The following GBE1 variants were observed in gnomAD, a reference collection of about 807,000 sequenced individuals.
GBE1 encodes the protein 1,4-alpha-glucan-branching enzyme.
In GBE1, 70 loss-of-function variants were observed where a neutral mutation model predicts 88.8. That is an observed-to-expected ratio of 0.79 (90% CI 0.65 to 0.96). The LOEUF is 0.96. Ranked by LOEUF, GBE1 falls within the 40% of genes least tolerant of loss-of-function variation. The pLI is 0.00. For synonymous variants in GBE1, 284 were observed against 300.1 expected (o/e 0.95, Z 0.56); for missense variants, 872 against 871.0 (o/e 1.00, Z -0.01).
intron 1 of GBE1, among the ~76,000 whole-genome samples, chr3:81,720,312 CACAT>C (rs1217532184): frequency 1.3e-5 from 2 of 150,686 alleles, no homozygotes; most frequent in South Asian, 2.1e-4. Flanking sequence ...TGCATATACA[CACAT>C]ACACACACGC....
chr3:81,703,799 A>G (rs1705734883), intron 2 of GBE1, among the ~76,000 whole-genome samples: 2 of 152,136 alleles, frequency 1.3e-5, no homozygotes, highest in African/African-American at 4.8e-5. Flanking sequence ...TTTTCTGGTC[A>G]TTATTCCATA....
intron 2 of GBE1, among the ~76,000 whole-genome samples, chr3:81,695,525 T>C (rs898035876): frequency 1.3e-5 from 2 of 152,172 alleles, no homozygotes; most frequent in African/African-American, 4.8e-5. Context: ...CTAACAGGTA[T>C]GAGGTTTCTT....
intron 3 of GBE1, among the ~76,000 whole-genome samples, chr3:81,657,937 C>G (rs984800069): frequency 1.3e-5 from 2 of 151,952 alleles, no homozygotes; most frequent in African/African-American, 4.8e-5. Flanking sequence ...CCCCTGAGCT[C>G]TTATATTATG....
intron 12 of GBE1, among the ~76,000 whole-genome samples, chr3:81,542,312 T>TA (rs34283465): frequency 2.6e-5 from 4 of 152,114 alleles, no homozygotes; most frequent in African/African-American, 9.7e-5. Flanking sequence ...TTCTGTGTTA[T>TA]AAAAAATCAC....
intron 3 of GBE1, among the ~76,000 whole-genome samples, chr3:81,657,134 C>CAAAAAA (rs796897811): frequency 4.9e-5 from 4 of 81,846 alleles, no homozygotes; most frequent in African/African-American, 8.3e-5. Context: ...CCAGCCGTCT[C>CAAAAAA]AAAAAAAAAA....
intron 13 of GBE1, 136 bp downstream of exon 13, chr3:81,536,775 A>G: frequency 1.8e-6 from 1 of 545,320 alleles, no homozygotes; most frequent in Non-Finnish European, 3.1e-6. Context: ...TGACAACCTG[A>G]AGTATGGTAC....
chr3:81,663,790 C>T lies in GBE1; in HGVS notation c.429+7048G>A, dbSNP rs1441625545. On this transcript the variant is annotated intron_variant, in intron 3 of 15. Coordinates refer to ENST00000429644, the MANE Select transcript of GBE1 (RefSeq NM_000158.4). Reference sequence around the variant, plus strand: ...TGGGGTTGGAGCCCCACAGCCTGCCCGTCTGTGAGTTCTCGCAGAGGTTTG... The same window carrying T: ...TGGGGTTGGAGCCCCACAGCCTGCCTGTCTGTGAGTTCTCGCAGAGGTTTG... Among the ~76,000 whole-genome samples the T allele has an allele frequency of 8.5e-5, 13 of 152,152 alleles. No homozygotes were observed. The East Asian group carries it at 2.5e-3, about 29-fold the overall frequency.
intron 12 of GBE1, among the ~76,000 whole-genome samples, chr3:81,569,117 A>T (rs959324134): frequency 1.3e-5 from 2 of 152,188 alleles, no homozygotes; most frequent in African/African-American, 4.8e-5. Flanking sequence ...TGGAACATTT[A>T]TATTTATATG....
At chr3:81,539,370 T>C (rs1203950719) in intron 12 of GBE1, among the ~76,000 whole-genome samples, 1 of 151,880 alleles carries the variant, frequency 6.6e-6, no homozygotes, top group Admixed American at 6.6e-5. Flanking sequence ...AAATAAGACT[T>C]GTGGTAAGGA....
chr3:81,498,158 T>C (rs542894025), intron 15 of GBE1, among the ~76,000 whole-genome samples: 1 of 152,270 alleles, frequency 6.6e-6, no homozygotes, highest in African/African-American at 2.4e-5. Context: ...TTTTCAATGA[T>C]TTTATGCTAT....
Position 81,729,666 on chromosome 3 carries a change from G to A in GBE1, c.144-24053C>T, listed in dbSNP as rs988121331. ...CATCATAGAACACACAGGCAGGAGT[G>A]GCCTCTTAGACATCAGATGAACACT... On this transcript the variant is annotated intron_variant, in intron 1 of 15. Transcript: ENST00000429644. 3.3e-5 allele frequency among the ~76,000 whole-genome samples: 5 copies of A among 152,100 alleles called. No homozygotes were observed. In the South Asian group the frequency reaches 8.3e-4, roughly 25 times the overall value.
At chr3:81,693,714 A>G (rs1360303769) in intron 2 of GBE1, among the ~76,000 whole-genome samples, 1 of 152,168 alleles carries the variant, frequency 6.6e-6, no homozygotes, top group East Asian at 1.9e-4. Context: ...TCTAATATCA[A>G]GAACCCTGAC....
At chr3:81,704,908 G>C (rs147918869) in intron 2 of GBE1, among the ~76,000 whole-genome samples, 129 of 152,158 alleles carry the variant, frequency 8.5e-4, no homozygotes, top group African/African-American at 2.7e-3. Context: ...CAGTGCAAAT[G>C]ACAATGCTGA....
chr3:81,724,033 G>C (rs375318212), intron 1 of GBE1, among the ~76,000 whole-genome samples: 8 of 151,714 alleles, frequency 5.3e-5, no homozygotes, highest in African/African-American at 1.9e-4. Context: ...CCTTTAACTT[G>C]CTACTAGAAT....
In GBE1 at chr3:81,738,346, T is replaced by C. The variant is rs1265439197; in HGVS notation, c.143+23029A>G. ...TCGCCACACTGACTTCCACAATGGT[T>C]GAACTAGTTTACAGTCCCACCAACA... On this transcript the variant is annotated intron_variant, in intron 1 of 15. Transcript: ENST00000429644. Among the ~76,000 whole-genome samples the C allele has an allele frequency of 2.0e-5, 3 of 151,176 alleles. No individual in the cohort carries two copies. The East Asian group carries it at 5.8e-4, about 29-fold the overall frequency.
At chr3:81,631,459 A>C (rs1276390335) in intron 7 of GBE1, among the ~76,000 whole-genome samples, 2 of 152,010 alleles carry the variant, frequency 1.3e-5, no homozygotes, top group Non-Finnish European at 2.9e-5. Context: ...AACAATGACC[A>C]GGCGTGGTGG....
At chr3:81,606,714 C>T (rs184838112) in intron 7 of GBE1, among the ~76,000 whole-genome samples, 62 of 152,332 alleles carry the variant, frequency 4.1e-4, no homozygotes, top group Middle Eastern at 6.8e-3. Context: ...TTAGATTTCA[C>T]GCAAATATGA....
intron 2 of GBE1, among the ~76,000 whole-genome samples, chr3:81,691,968 T>C (rs974806928): frequency 5.9e-5 from 9 of 152,180 alleles, no homozygotes; most frequent in Admixed American, 1.3e-4. Context: ...GGCGTGATCA[T>C]AGATTGGGGC....
At chr3:81,643,110 A>C in intron 6 of GBE1, 120 bp from the exon 7 acceptor site, 1 of 690,350 alleles carries the variant, frequency 1.4e-6, no homozygotes, top group Non-Finnish European at 2.5e-6. Context: ...ACAGCATGTG[A>C]CATGATACCT....
Sources: gnomAD v4.1 joint callset for allele counts (sites outside exome capture counted in the v4.1 genomes callset) on GRCh38, gnomAD v4.1.1 for gene constraint, MANE v1.5 for transcripts, NCBI Gene and HGNC (gene_info 2026-07-23, HGNC 2026-07-21) for gene names.